The following TMEM117 variants were observed in gnomAD, a reference collection of about 807,000 sequenced individuals.
TMEM117 encodes transmembrane protein 117.
A neutral mutation model predicts 52.4 loss-of-function variants in TMEM117; 27 were observed. That is an observed-to-expected ratio of 0.51 (90% CI 0.38 to 0.71). The LOEUF is 0.71. Ranked by LOEUF, TMEM117 falls within the 30% of genes least tolerant of loss-of-function variation. TMEM117 has a pLI of 0.00. For missense variants in TMEM117, 556 were observed against 630.5 expected (o/e 0.88, Z 1.26); for synonymous variants, 215 against 206.3 (o/e 1.04, Z -0.36).
chr12:44,041,369 C>G lies in TMEM117; in HGVS notation c.410+97027C>G, dbSNP rs537773505. ...ACCATTTAGCAGATCAGCTATAAAG[C>G]AATTTTCATCAAATTTCAAAGAATC... On this transcript the variant is annotated intron_variant, in intron 3 of 7. Coordinates refer to ENST00000266534, the MANE Select transcript of TMEM117 (RefSeq NM_032256.3). Among the ~76,000 whole-genome samples, 3 of 151,606 alleles carry G rather than the reference C, an allele frequency of 2.0e-5. No individual in the cohort carries two copies. In the South Asian group the frequency reaches 6.3e-4, roughly 32 times the overall value.
Position 44,129,459 on chromosome 12 carries a change from A to G in TMEM117, c.411-14066A>G, listed in dbSNP as rs541075061. Reference sequence around the variant, plus strand: ...TGCAGAGCTTTACTAGAGTCACAGAAGTTTATTACACTCTTTCCCATTCCC... The same window carrying G: ...TGCAGAGCTTTACTAGAGTCACAGAGGTTTATTACACTCTTTCCCATTCCC... On this transcript the variant is annotated intron_variant, in intron 3 of 7. Transcript: ENST00000266534. 9.0e-4 allele frequency among the ~76,000 whole-genome samples: 136 copies of G among 151,840 alleles called. 1 individual carries two copies. Among genetic ancestry groups the G allele is most frequent in the African/African-American group, 2.8e-3 (118 of 41,416 alleles).
chr12:44,161,379 G>A (rs115900432), intron 4 of TMEM117, among the ~76,000 whole-genome samples: 1,750 of 152,176 alleles, frequency 0.011, 22 homozygotes, highest in South Asian at 0.052. Flanking sequence ...TTCCTTATTG[G>A]TAAAGTGAAC....
chr12:43,960,505 T>G (rs370033173), intron 3 of TMEM117, among the ~76,000 whole-genome samples: 2 of 152,328 alleles, frequency 1.3e-5, no homozygotes, highest in East Asian at 3.9e-4. Context: ...TTAGTTAGTG[T>G]TGTTTGAATT....
At chr12:44,093,055 A>G (rs1947700647) in intron 3 of TMEM117, among the ~76,000 whole-genome samples, 1 of 152,108 alleles carries the variant, frequency 6.6e-6, no homozygotes. Flanking sequence ...GGGAGGAAGG[A>G]GCAAGTGTTT....
At chr12:43,848,258 G>A (rs1943245493) in intron 2 of TMEM117, among the ~76,000 whole-genome samples, 2 of 152,136 alleles carry the variant, frequency 1.3e-5, no homozygotes, top group African/African-American at 4.8e-5. Context: ...GCATTTGAGA[G>A]TAGAGAACCG....
intron 2 of TMEM117, among the ~76,000 whole-genome samples, chr12:43,935,618 C>G (rs1944939463): frequency 6.6e-6 from 1 of 152,162 alleles, no homozygotes. Flanking sequence ...TAATCTCTCA[C>G]TGACAAAGCA....
intron 5 of TMEM117, among the ~76,000 whole-genome samples, chr12:44,245,852 A>G (rs190934139): frequency 6.6e-6 from 1 of 152,220 alleles, no homozygotes; most frequent in Admixed American, 6.5e-5. Context: ...ATAATCCCAA[A>G]TTAGCCTACA....
At chr12:44,132,471 G>T (rs1948430340) in intron 3 of TMEM117, among the ~76,000 whole-genome samples, 1 of 151,968 alleles carries the variant, frequency 6.6e-6, no homozygotes, top group Non-Finnish European at 1.5e-5. Flanking sequence ...TCCATTGGAG[G>T]ATCATTTTTC....
chr12:44,259,353 A>T (rs1264923465), intron 5 of TMEM117, among the ~76,000 whole-genome samples: 1 of 152,176 alleles, frequency 6.6e-6, no homozygotes, highest in Non-Finnish European at 1.5e-5. Context: ...ATCTCAGATG[A>T]TTCAAAAACA....
chr12:43,909,925 A>C (rs1396474186), intron 2 of TMEM117, among the ~76,000 whole-genome samples: 1 of 132,992 alleles, frequency 7.5e-6, no homozygotes, highest in African/African-American at 2.6e-5. Context: ...ACAAGGAGGA[A>C]CTGGTACCAT....
intron 3 of TMEM117, among the ~76,000 whole-genome samples, chr12:44,087,623 C>G (rs1947593773): frequency 6.6e-6 from 1 of 152,068 alleles, no homozygotes; most frequent in Admixed American, 6.6e-5. Flanking sequence ...TGCCCCCACG[C>G]CCGACCAATT....
chr12:43,944,343 G>T lies in TMEM117; in HGVS notation c.410+1G>T. 1 of 1,609,216 alleles carries T rather than the reference G, an allele frequency of 6.2e-7. No individual in the cohort carries two copies. The highest frequency in any genetic ancestry group is 8.5e-7 in the Non-Finnish European group (1 of 1,177,592). On this transcript the variant is annotated splice_donor_variant, in intron 3 of 7. Transcript: ENST00000266534. LOFTEE classifies it high-confidence loss of function. ...TTCTTCTAATGGATGGGAACATGGGGTAGGTTTTCTTTCCCCTTTCTACTG... is the reference window on the plus strand; with the variant it reads ...TTCTTCTAATGGATGGGAACATGGGTTAGGTTTTCTTTCCCCTTTCTACTG...
chr12:44,308,191 CA>C (rs1374634605), intron 6 of TMEM117, among the ~76,000 whole-genome samples: 8 of 152,174 alleles, frequency 5.3e-5, no homozygotes, highest in African/African-American at 1.9e-4. Context: ...AGAGCTAGAA[CA>C]TGATTTAAAA....
rs149355344 is a variant in TMEM117 at position 44,288,554 on chromosome 12, A to G, written c.609-11026A>G. Among the ~76,000 whole-genome samples, 370 of 152,294 alleles carry G rather than the reference A, an allele frequency of 2.4e-3. 1 individual carries two copies. The highest frequency in any genetic ancestry group is 8.4e-3 in the African/African-American group (350 of 41,570). ...ATATGTCAAATAATGAAAACATCCAAGAGGTGAATTGGTGCTGATTTGGCC... is the reference window on the plus strand; with the variant it reads ...ATATGTCAAATAATGAAAACATCCAGGAGGTGAATTGGTGCTGATTTGGCC... On this transcript the variant is annotated intron_variant, in intron 5 of 7. Transcript: ENST00000266534.
chr12:44,050,035 A>G (rs946323699), intron 3 of TMEM117, among the ~76,000 whole-genome samples: 1 of 152,234 alleles, frequency 6.6e-6, no homozygotes, highest in Admixed American at 6.5e-5. Flanking sequence ...AAAACAATCA[A>G]TAATTCACAA....
intron 3 of TMEM117, among the ~76,000 whole-genome samples, chr12:44,013,805 A>G (rs1946332119): frequency 6.6e-6 from 1 of 151,996 alleles, no homozygotes; most frequent in African/African-American, 2.4e-5. Context: ...GATTCTCTGT[A>G]TTTGCCTGTC....
intron 6 of TMEM117, among the ~76,000 whole-genome samples, chr12:44,337,991 C>T (rs1951364642): frequency 6.6e-6 from 1 of 152,004 alleles, no homozygotes; most frequent in Non-Finnish European, 1.5e-5. Flanking sequence ...AGGAAAAGCA[C>T]TATTGATTTC....
intron 3 of TMEM117, among the ~76,000 whole-genome samples, chr12:44,143,086 A>G (rs977692540): frequency 6.6e-6 from 1 of 152,194 alleles, no homozygotes; most frequent in African/African-American, 2.4e-5. Flanking sequence ...ATGATGTTAT[A>G]TCTAAAGCCT....
upstream of TMEM117, among the ~76,000 whole-genome samples, chr12:43,832,054 AT>A (rs1421198912): frequency 6.6e-6 from 1 of 152,222 alleles, no homozygotes; most frequent in African/African-American, 2.4e-5. Flanking sequence ...AAACTCCTGC[AT>A]ATAAAAGAAA....
Sources: gnomAD v4.1 joint callset for allele counts (sites outside exome capture counted in the v4.1 genomes callset) on GRCh38, gnomAD v4.1.1 for gene constraint, MANE v1.5 for transcripts, NCBI Gene and HGNC (gene_info 2026-07-23, HGNC 2026-07-21) for gene names.